SPATA17: variants seen among roughly 807,000 people sequenced by gnomAD.
SPATA17 encodes the protein spermatogenesis-associated protein 17.
A neutral mutation model predicts 62.2 loss-of-function variants in SPATA17; 53 were observed. The ratio of observed to expected loss-of-function variants is 0.85; its 90% confidence interval spans 0.68 to 1.07. The LOEUF (loss-of-function observed/expected upper bound fraction) is 1.07, where lower values mean the gene tolerates loss of function less well. Among genes scored for constraint, SPATA17 ranks in the 50% least tolerant of loss-of-function variants. The pLI is 0.00. For synonymous variants in SPATA17, 146 were observed against 146.8 expected (o/e 0.99, Z 0.04); for missense variants, 466 against 425.5 (o/e 1.10, Z -0.84).
intron 9 of SPATA17, among the ~76,000 whole-genome samples, chr1:217,818,045 T>G (rs969490560): frequency 1.3e-5 from 2 of 152,052 alleles, no homozygotes; most frequent in Non-Finnish European, 2.9e-5. Flanking sequence ...TATGATTAGA[T>G]TGCAAGAATT....
chr1:217,770,701 C>A (rs1235936134), intron 6 of SPATA17, among the ~76,000 whole-genome samples: 1 of 152,092 alleles, frequency 6.6e-6, no homozygotes, highest in African/African-American at 2.4e-5. Flanking sequence ...ATATCCATTT[C>A]TTTTCAAATC....
intron 5 of SPATA17, among the ~76,000 whole-genome samples, chr1:217,708,255 G>T (rs1490633056): frequency 6.6e-6 from 1 of 151,990 alleles, no homozygotes; most frequent in African/African-American, 2.4e-5. Context: ...AAAGATCAAC[G>T]AATTCATGAG....
chr1:217,688,568 T>C (rs11117906), intron 5 of SPATA17, among the ~76,000 whole-genome samples: 30,355 of 152,176 alleles, frequency 0.2, 3,464 homozygotes, highest in African/African-American at 0.31. Context: ...CATCTTCAAA[T>C]GCTCACCCAT....
intron 9 of SPATA17, among the ~76,000 whole-genome samples, chr1:217,821,803 G>T (rs1015861472): frequency 6.6e-6 from 1 of 152,026 alleles, no homozygotes; most frequent in African/African-American, 2.4e-5. Context: ...CAAAATTTCA[G>T]ATTCAGAAGT....
intron 6 of SPATA17, among the ~76,000 whole-genome samples, chr1:217,765,311 C>T (rs1449553736): frequency 2.0e-5 from 3 of 151,274 alleles, no homozygotes; most frequent in African/African-American, 7.3e-5. Context: ...TTCTGCTTGC[C>T]TTGGAATAAA....
intron 9 of SPATA17, among the ~76,000 whole-genome samples, chr1:217,808,114 T>C (rs576619800): frequency 6.6e-6 from 1 of 152,212 alleles, no homozygotes; most frequent in African/African-American, 2.4e-5. Flanking sequence ...TCTCCAGCCT[T>C]CCAAAAAGCA....
rs539475718 is a variant in SPATA17 at position 217,794,622 on chromosome 1, C to G, written c.873-7096C>G. Reference sequence around the variant, plus strand: ...AATTATTTAAAACTCCAGATTTTACCGCTTATAGCAAAAATCAGGAGATCT... The same window carrying G: ...AATTATTTAAAACTCCAGATTTTACGGCTTATAGCAAAAATCAGGAGATCT... On this transcript the variant is annotated intron_variant, in intron 8 of 10. Transcript: ENST00000366933. Among the ~76,000 whole-genome samples, 6 of 152,126 alleles carry G rather than the reference C, an allele frequency of 3.9e-5. No individual in the cohort carries two copies. The East Asian group carries it at 9.6e-4, about 24-fold the overall frequency.
At chr1:217,743,528 A>C (rs1476586366) in intron 6 of SPATA17, among the ~76,000 whole-genome samples, 4 of 152,048 alleles carry the variant, frequency 2.6e-5, no homozygotes, top group Admixed American at 2.6e-4. Flanking sequence ...CTTTCTTAAT[A>C]TGAGTTCTAG....
At chr1:217,862,633 T>C (rs1675920660) in intron 9 of SPATA17, 141 bp from the exon 10 acceptor site, 1 of 601,920 alleles carries the variant, frequency 1.7e-6, no homozygotes, top group Non-Finnish European at 2.9e-6. Context: ...ACCTGCTAAT[T>C]TTGTTTTGAG....
intron 7 of SPATA17, among the ~76,000 whole-genome samples, chr1:217,779,155 TG>T (rs1014619386): frequency 3.2e-4 from 47 of 148,200 alleles, no homozygotes; most frequent in Admixed American, 2.8e-3. Context: ...TGTGTGTGTG[TG>T]TGTGTGTGTG....
chr1:217,772,472 T>C (rs1031746855), intron 6 of SPATA17, among the ~76,000 whole-genome samples: 1 of 152,154 alleles, frequency 6.6e-6, no homozygotes, highest in Non-Finnish European at 1.5e-5. Context: ...AAAATTTGAG[T>C]TGGAGGTGAC....
intron 9 of SPATA17, among the ~76,000 whole-genome samples, chr1:217,821,319 G>T (rs1674857206): frequency 1.3e-5 from 2 of 152,060 alleles, no homozygotes; most frequent in South Asian, 4.1e-4. Context: ...AATATCTAAT[G>T]GCCATCCGAA....
intron 9 of SPATA17, among the ~76,000 whole-genome samples, chr1:217,824,483 T>A (rs1290740603): frequency 1.3e-5 from 2 of 151,488 alleles, no homozygotes; most frequent in African/African-American, 2.4e-5. Flanking sequence ...ATTTTGGCAT[T>A]TTTATTGATT....
intron 5 of SPATA17, among the ~76,000 whole-genome samples, chr1:217,731,842 G>T (rs1409188815): frequency 1.3e-5 from 2 of 152,054 alleles, no homozygotes; most frequent in Admixed American, 6.6e-5. Flanking sequence ...AGCATAGAAT[G>T]GGAATTCATA....
chr1:217,749,977 CTCTCTCTCTATATATA>C (rs1336537504), intron 6 of SPATA17, among the ~76,000 whole-genome samples: 2 of 35,682 alleles, frequency 5.6e-5, no homozygotes, highest in African/African-American at 1.1e-4. Context: ...CTCTCTCTCT[CTCTCTCTCTATATATA>C]TATATATATA....
intron 9 of SPATA17, among the ~76,000 whole-genome samples, chr1:217,840,523 C>T (rs1675368610): frequency 6.6e-6 from 1 of 152,014 alleles, no homozygotes; most frequent in African/African-American, 2.4e-5. Flanking sequence ...TTTAAACTTA[C>T]TTTCTCCTAG....
chr1:217,720,874 G>A (rs1258637930), intron 5 of SPATA17, among the ~76,000 whole-genome samples: 1 of 152,172 alleles, frequency 6.6e-6, no homozygotes, highest in Non-Finnish European at 1.5e-5. Flanking sequence ...GAGAGGATGT[G>A]GCTGCAGCCT....
chr1:217,844,642 C>T (rs1213690709), intron 9 of SPATA17, among the ~76,000 whole-genome samples: 1 of 152,096 alleles, frequency 6.6e-6, no homozygotes, highest in Non-Finnish European at 1.5e-5. Context: ...TAAAGTATCA[C>T]ATTAACTCTG....
intron 5 of SPATA17, among the ~76,000 whole-genome samples, chr1:217,722,509 A>G (rs12145169): frequency 0.14 from 21,229 of 152,190 alleles, 1,563 homozygotes; most frequent in Non-Finnish European, 0.16. Context: ...GTAAAATAAC[A>G]TAAAACCTCT....
Sources: allele counts gnomAD v4.1 joint callset (sites outside exome capture counted in the v4.1 genomes callset), GRCh38; gene constraint gnomAD v4.1.1; transcripts MANE v1.5; gene names NCBI Gene and HGNC (gene_info 2026-07-23, HGNC 2026-07-21).